Variants in RGS8 observed in about 807,000 individuals in gnomAD.
RGS8 encodes regulator of G protein signaling 8.
Under a neutral mutation model 21.7 loss-of-function variants are expected in RGS8, and 8 were observed. The observed-to-expected ratio is 0.37, with a 90% confidence interval of 0.22 to 0.66. The LOEUF (loss-of-function observed/expected upper bound fraction) is 0.66, where lower values mean the gene tolerates loss of function less well. RGS8 is among the 30% of genes least tolerant of loss of function. RGS8 has a pLI of 0.59. For missense variants in RGS8, 157 were observed against 217.9 expected (o/e 0.72, Z 1.76); for synonymous variants, 80 against 83.6 (o/e 0.96, Z 0.24).
At chr1:182,725,199 G>A in the RGS8 span, among the ~76,000 whole-genome samples, 5 of 152,180 alleles carry the variant, frequency 3.3e-5, no homozygotes, top group Admixed American at 6.5e-5. Context: ...CATGTAGCAA[G>A]AGGGACTCCA....
At chr1:182,654,419 A>G (rs954042744) in intron 5 of RGS8, among the ~76,000 whole-genome samples, 2 of 152,228 alleles carry the variant, frequency 1.3e-5, no homozygotes, top group Non-Finnish European at 2.9e-5. Flanking sequence ...GAAAAGGGAC[A>G]TATTTGTGAT....
chr1:182,729,632 C>T, the RGS8 span, among the ~76,000 whole-genome samples: 2 of 152,086 alleles, frequency 1.3e-5, no homozygotes, highest in African/African-American at 2.4e-5. Flanking sequence ...TATTAATATA[C>T]TGATAAGTAA....
chr1:182,739,402 C>T, the RGS8 span, among the ~76,000 whole-genome samples: 4 of 152,258 alleles, frequency 2.6e-5, no homozygotes, highest in Admixed American at 1.3e-4. Flanking sequence ...ACTGGGGCCC[C>T]GACCTTGAGT....
upstream of RGS8, among the ~76,000 whole-genome samples, chr1:182,688,815 G>C (rs1326018979): frequency 6.6e-6 from 1 of 152,144 alleles, no homozygotes; most frequent in African/African-American, 2.4e-5. Flanking sequence ...GTTCATCAAG[G>C]ACACAGGACA....
At chr1:182,741,049 C>T in the RGS8 span, among the ~76,000 whole-genome samples, 5 of 150,916 alleles carry the variant, frequency 3.3e-5, no homozygotes, top group Admixed American at 6.6e-5. Context: ...CATCATGGCC[C>T]GTTCTCAATG....
chr1:182,725,714 A>G, the RGS8 span, among the ~76,000 whole-genome samples: 1 of 152,226 alleles, frequency 6.6e-6, no homozygotes, highest in Non-Finnish European at 1.5e-5. Context: ...TTGGTATTCA[A>G]GAAGTGATGT....
At chr1:182,651,199 T>C (rs1414252001) in intron 5 of RGS8, among the ~76,000 whole-genome samples, 1 of 152,230 alleles carries the variant, frequency 6.6e-6, no homozygotes, top group Non-Finnish European at 1.5e-5. Flanking sequence ...CCATGTCTTT[T>C]AAAACAACTA....
At chr1:182,650,726 T>G (rs989611698) in intron 5 of RGS8, among the ~76,000 whole-genome samples, 1 of 152,110 alleles carries the variant, frequency 6.6e-6, no homozygotes, top group Non-Finnish European at 1.5e-5. Context: ...CCAGCTGTGG[T>G]GGCATGTGTC....
the RGS8 span, among the ~76,000 whole-genome samples, chr1:182,744,763 G>A: frequency 1.3e-5 from 2 of 152,162 alleles, no homozygotes; most frequent in Admixed American, 6.5e-5. Flanking sequence ...ATCACCTACT[G>A]ATGCATTTCT....
the RGS8 span, among the ~76,000 whole-genome samples, chr1:182,694,789 T>C: frequency 1.4e-5 from 2 of 145,246 alleles, no homozygotes; most frequent in Non-Finnish European, 3.0e-5. Context: ...GCCTGGGTGA[T>C]AGAGCAAGAC....
downstream of RGS8, chr1:182,643,288 C>T (rs564840535): frequency 6.3e-4 from 94 of 148,288 alleles, 2 homozygotes; most frequent in African/African-American, 2.3e-3. Flanking sequence ...CACCAGCCCC[C>T]TTGGCCCACA....
intron 5 of RGS8, among the ~76,000 whole-genome samples, chr1:182,652,627 T>C (rs1200438484): frequency 6.6e-6 from 1 of 152,260 alleles, no homozygotes; most frequent in Non-Finnish European, 1.5e-5. Context: ...CAGGCTATGC[T>C]ATGTGCTAAA....
upstream of RGS8, among the ~76,000 whole-genome samples, chr1:182,677,548 C>T (rs1024600099): frequency 1.3e-5 from 2 of 152,192 alleles, no homozygotes; most frequent in African/African-American, 4.8e-5. Flanking sequence ...TTTTTTACCA[C>T]CTGCTCAGCG....
the RGS8 span, among the ~76,000 whole-genome samples, chr1:182,709,691 CTT>C: frequency 1.3e-5 from 2 of 152,192 alleles, no homozygotes; most frequent in Admixed American, 6.5e-5. Flanking sequence ...TATTCCCTGA[CTT>C]TAAGAAAAAG....
intron 1 of RGS8, among the ~76,000 whole-genome samples, chr1:182,678,757 C>T (rs1664449853): frequency 6.6e-6 from 1 of 152,164 alleles, no homozygotes; most frequent in African/African-American, 2.4e-5. Flanking sequence ...ACACTGAACT[C>T]AGGTTTTACA....
intron 5 of RGS8, among the ~76,000 whole-genome samples, chr1:182,659,471 C>G (rs1021446273): frequency 6.6e-6 from 1 of 152,170 alleles, no homozygotes; most frequent in Non-Finnish European, 1.5e-5. Flanking sequence ...GAGACTGAAG[C>G]GGGCAGATCA....
intron 3 of RGS8, among the ~76,000 whole-genome samples, chr1:182,668,407 T>C (rs566160791): frequency 5.3e-4 from 80 of 152,364 alleles, no homozygotes; most frequent in African/African-American, 1.9e-3. Context: ...CTTTCTTTCC[T>C]CTTTTTCCTA....
intron 4 of RGS8, among the ~76,000 whole-genome samples, chr1:182,666,668 A>G (rs1190154949): frequency 1.3e-5 from 2 of 152,142 alleles, no homozygotes; most frequent in African/African-American, 4.8e-5. Context: ...AAAAAAAAAA[A>G]AGAGGATTCC....
chr1:182,711,450 C>T, the RGS8 span, among the ~76,000 whole-genome samples: 1 of 152,178 alleles, frequency 6.6e-6, no homozygotes, highest in Non-Finnish European at 1.5e-5. Context: ...AACGTTTGAT[C>T]TCCTTAAGCT....
Sources: allele counts gnomAD v4.1 joint callset (sites outside exome capture counted in the v4.1 genomes callset), GRCh38; gene constraint gnomAD v4.1.1; transcripts MANE v1.5; gene names NCBI Gene and HGNC (gene_info 2026-07-23, HGNC 2026-07-21).